TAPT1: variants seen among roughly 807,000 people sequenced by gnomAD.
TAPT1 encodes transmembrane anterior posterior transformation protein 1 homolog.
In TAPT1, 28 loss-of-function variants were observed where a neutral mutation model predicts 65.6. The observed-to-expected ratio is 0.43, with a 90% confidence interval of 0.32 to 0.59. TAPT1 has a LOEUF of 0.59. TAPT1 is among the 20% of genes least tolerant of loss of function. TAPT1 has a pLI of 0.09. For synonymous variants in TAPT1, 278 were observed against 245.2 expected (o/e 1.13, Z -1.25); for missense variants, 563 against 679.9 (o/e 0.83, Z 1.91).
rs1747883197 is a variant in TAPT1, at chr4:16,169,921, G to A, written c.1313+732C>T. Among the ~76,000 whole-genome samples, 3 of 152,298 alleles carry A rather than the reference G, an allele frequency of 2.0e-5. No individual in the cohort carries two copies. In the South Asian group the frequency reaches 6.2e-4, roughly 32 times the overall value. On this transcript the variant is annotated intron_variant, in intron 12 of 13. Coordinates refer to ENST00000405303, the MANE Select transcript of TAPT1 (RefSeq NM_153365.3). Reference sequence around the variant, plus strand: ...CCCTCCAACCTTTTTCCTCTGGAGGGATTCAAGTTCGAACCCTCTCAGACC... The same window carrying A: ...CCCTCCAACCTTTTTCCTCTGGAGGAATTCAAGTTCGAACCCTCTCAGACC...
chr4:16,174,281 A>C lies in TAPT1; in HGVS notation c.1168-9T>G. The C allele has an allele frequency of 6.3e-7, 1 of 1,596,216 alleles. No individual in the cohort carries two copies. The highest frequency in any genetic ancestry group is 8.5e-7 in the Non-Finnish European group (1 of 1,171,552). On this transcript the variant is annotated splice_polypyrimidine_tract_variant and intron_variant, in intron 10 of 13. Transcript: ENST00000405303. The stretch of plus-strand genomic sequence containing the variant: ...CTGTAATCAGTGTATGCCTGAACAG[A>C]GAAAGAAGCAAAAGATTCAGATTTA...
In TAPT1 at chr4:16,202,427, T is replaced by C. The variant is rs1157148584; in HGVS notation, c.449+35A>G. On this transcript the variant is annotated intron_variant, in intron 3 of 13. Coordinates refer to ENST00000405303, the MANE Select transcript of TAPT1 (RefSeq NM_153365.3). The stretch of plus-strand genomic sequence containing the variant: ...ACAAGTATTAAAAATAATGAAATAC[T>C]ATACATTTACAATAGTTAACGATCT... 7.4e-6 allele frequency: 9 copies of C among 1,213,216 alleles called. No individual in the cohort carries two copies. In the African/African-American group the frequency reaches 9.1e-5, roughly 12 times the overall value. 75.2% of individuals were successfully genotyped at this position (1,213,216 alleles called of 1,614,324 possible).
At chr4:16,184,867 C>T (rs1748910357) in intron 7 of TAPT1, among the ~76,000 whole-genome samples, 1 of 152,178 alleles carries the variant, frequency 6.6e-6, no homozygotes, top group South Asian at 2.1e-4. Flanking sequence ...AACAAACAAA[C>T]AAAATCTATC....
chr4:16,225,430 T>C (rs1170024939), intron 1 of TAPT1, among the ~76,000 whole-genome samples: 1 of 152,272 alleles, frequency 6.6e-6, no homozygotes, highest in Admixed American at 6.5e-5. Context: ...GTTCAGTTGC[T>C]GTTTACAGCT....
intron 3 of TAPT1, among the ~76,000 whole-genome samples, chr4:16,193,648 CTCAT>C (rs1429014184): frequency 1.3e-5 from 2 of 152,178 alleles, no homozygotes; most frequent in East Asian, 3.9e-4. Context: ...AAACATATTT[CTCAT>C]TCAAACACTG....
intron 4 of TAPT1, among the ~76,000 whole-genome samples, chr4:16,189,514 T>C (rs964611098): frequency 2.0e-5 from 3 of 152,236 alleles, no homozygotes; most frequent in Admixed American, 6.5e-5. Flanking sequence ...TGCTAAACCC[T>C]TTCTATGTGA....
chr4:16,216,395 A>G (rs561837787), intron 1 of TAPT1, among the ~76,000 whole-genome samples: 15 of 152,180 alleles, frequency 9.9e-5, no homozygotes, highest in Non-Finnish European at 1.6e-4. Flanking sequence ...TGTTTCCTAT[A>G]GATTCCTAAC....
In TAPT1 at chr4:16,166,784, G is replaced by T. The variant is rs765618344; in HGVS notation, c.1323C>A (p.Ser441=). 6.2e-7 allele frequency: 1 copy of T among 1,613,448 alleles called. No individual in the cohort carries two copies. ...GCACGATGCTATTAAGTACTTTCAG[G>T]GATATCAACCTAAAAACAGAAACAA... The part of the protein sequence containing the change: ...CVILFYFGLI[S]LKVLNSIVLL... Residue 441 remains serine (S), a synonymous_variant, in exon 13 of 14, where the codon TCC becomes TCA. Coordinates refer to ENST00000405303, the MANE Select transcript of TAPT1 (RefSeq NM_153365.3).
chr4:16,202,352 G>C (rs1423266068), intron 3 of TAPT1, 110 bp downstream of exon 3: 1 of 614,214 alleles, frequency 1.6e-6, no homozygotes, highest in Non-Finnish European at 2.8e-6. Flanking sequence ...ATGCATGAAG[G>C]GCCAAAGTGT....
chr4:16,181,894 A>G (rs1253742557), intron 7 of TAPT1, among the ~76,000 whole-genome samples: 2 of 152,210 alleles, frequency 1.3e-5, no homozygotes, highest in Non-Finnish European at 2.9e-5. Flanking sequence ...AAAGCAGACT[A>G]TTTCAAAATA....
At position 16,162,997 on chromosome 4, in the gene TAPT1, T is replaced by A. The variant is rs764019417; in HGVS notation, c.*311A>T. ...AATTCAACATTCTGGAAGCCCAGAC[T>A]GACAAAGCAAAACAGATTTTGATGT... On this transcript the variant is annotated 3_prime_UTR_variant, in exon 14 of 14. Transcript: ENST00000405303. 41 of 489,832 alleles carry A rather than the reference T, an allele frequency of 8.4e-5. 1 individual carries two copies. The highest frequency in any genetic ancestry group is 5.9e-4 in the South Asian group (38 of 64,806). The allele number at this position is 489,832 out of a possible 1,614,324, so 30.3% of individuals were successfully genotyped here. A position where few individuals can be genotyped will look rare whatever the true frequency, so the allele number is the denominator to read the frequency against.
intron 3 of TAPT1, among the ~76,000 whole-genome samples, chr4:16,199,156 A>G (rs1749890681): frequency 6.6e-6 from 1 of 152,142 alleles, no homozygotes; most frequent in Admixed American, 6.5e-5. Context: ...AACTCCTATC[A>G]TTTAAAATTG....
rs769511198 is a variant in TAPT1, at chr4:16,181,692, G to A, written c.917-2035C>T. Among the ~76,000 whole-genome samples the A allele has an allele frequency of 1.3e-5, 2 of 152,124 alleles. 1 individual carries two copies. Among genetic ancestry groups the A allele is most frequent in the African/African-American group, 4.8e-5 (2 of 41,500 alleles). On this transcript the variant is annotated intron_variant, in intron 7 of 13. Transcript: ENST00000405303. The stretch of plus-strand genomic sequence containing the variant: ...AAGCAATTCTCCTGTCTCAGCCTCC[G>A]GAGTAGCTGGGATTACAGGCATGTG...
At chr4:16,225,916 C>A in intron 1 of TAPT1, 3 of 987,798 alleles carry the variant, frequency 3.0e-6, no homozygotes, top group Non-Finnish European at 3.6e-6. Flanking sequence ...GTGCTTCTCA[C>A]GTTTGGGCTC....
chr4:16,166,565 C>T, intron 13 of TAPT1, 68 bp downstream of exon 13: 3 of 1,574,670 alleles, frequency 1.9e-6, no homozygotes, highest in African/African-American at 1.3e-5. Flanking sequence ...CGTTGCTTAA[C>T]ATTGATCAAA....
chr4:16,174,348 C>A, intron 10 of TAPT1, 76 bp from the exon 11 acceptor site: 1 of 1,286,228 alleles, frequency 7.8e-7, no homozygotes, highest in Middle Eastern at 1.8e-4. Flanking sequence ...TCACTTATTA[C>A]CAGCAAATGT....
intron 8 of TAPT1, 69 bp from the exon 9 acceptor site, chr4:16,176,297 GAGA>G: frequency 1.4e-6 from 1 of 738,222 alleles, no homozygotes; most frequent in Non-Finnish European, 2.2e-6. Flanking sequence ...CAGGCTACCA[GAGA>G]AATATGAAAT....
intron 1 of TAPT1, among the ~76,000 whole-genome samples, chr4:16,225,379 A>G (rs181934373): frequency 1.8e-4 from 28 of 152,360 alleles, no homozygotes; most frequent in Non-Finnish European, 3.5e-4. Flanking sequence ...TTTGGACAAC[A>G]GAAGTAATTT....
intron 9 of TAPT1, among the ~76,000 whole-genome samples, chr4:16,175,350 A>G (rs1176694618): frequency 6.6e-6 from 1 of 152,156 alleles, no homozygotes; most frequent in Non-Finnish European, 1.5e-5. Context: ...ACAAAAAAGT[A>G]CAAAACTGTA....
Sources: allele counts gnomAD v4.1 joint callset (sites outside exome capture counted in the v4.1 genomes callset), GRCh38; gene constraint gnomAD v4.1.1; transcripts MANE v1.5; gene names NCBI Gene and HGNC (gene_info 2026-07-23, HGNC 2026-07-21).